The following PTPRN2 variants were observed in gnomAD, a reference collection of about 807,000 sequenced individuals.
PTPRN2 encodes protein tyrosine phosphatase receptor type N2, also known as receptor-type tyrosine-protein phosphatase N2.
A neutral mutation model predicts 118.8 loss-of-function variants in PTPRN2; 74 were observed. That is an observed-to-expected ratio of 0.62 (90% CI 0.52 to 0.76). PTPRN2 has a LOEUF of 0.76. Ranked by LOEUF, PTPRN2 falls within the 30% of genes least tolerant of loss-of-function variation. The pLI is 0.00. For synonymous variants in PTPRN2, 641 were observed against 608.0 expected (o/e 1.05, Z -0.80); for missense variants, 1,481 against 1,394.4 (o/e 1.06, Z -0.99).
intron 5 of PTPRN2, among the ~76,000 whole-genome samples, chr7:158,178,261 A>G (rs1412073014): frequency 6.6e-6 from 1 of 152,190 alleles, no homozygotes; most frequent in Non-Finnish European, 1.5e-5. Context: ...TATGAATTTA[A>G]TAGTGGTGAA....
intron 11 of PTPRN2, among the ~76,000 whole-genome samples, chr7:158,013,389 C>T (rs1423394434): frequency 6.6e-6 from 1 of 152,110 alleles, no homozygotes; most frequent in Non-Finnish European, 1.5e-5. Flanking sequence ...CCTACACATC[C>T]TTCCATTCAT....
rs531523033 is a variant in PTPRN2 at position 158,546,263 on chromosome 7, G to A, written c.112+41295C>T. Among the ~76,000 whole-genome samples, 89 of 152,286 alleles carry A rather than the reference G, an allele frequency of 5.8e-4. No homozygotes were observed. The highest frequency in any genetic ancestry group is 1.9e-3 in the African/African-American group (81 of 41,560). ...CACTCCTGGTGACAGGGACAGAGAC[G>A]GCTCCTTCCACTGGATGTACAGAGC... is the stretch of plus-strand genomic sequence containing the variant. On this transcript the variant is annotated intron_variant, in intron 1 of 22. Transcript: ENST00000389418. This position sits in a 1 kb window ranked among gnomAD's most constrained non-coding sequence, Gnocchi z 5.0.
intron 11 of PTPRN2, among the ~76,000 whole-genome samples, chr7:157,959,717 C>T (rs551898100): frequency 2.0e-5 from 3 of 152,252 alleles, no homozygotes; most frequent in South Asian, 2.1e-4. Flanking sequence ...GACTGAAACT[C>T]GTGTGTACTC....
intron 10 of PTPRN2, among the ~76,000 whole-genome samples, chr7:158,091,071 G>C (rs754881865): frequency 6.6e-6 from 1 of 152,208 alleles, no homozygotes; most frequent in African/African-American, 2.4e-5. Flanking sequence ...GCTTCTATTT[G>C]GTTGGGTTAG....
chr7:158,112,079 G>A (rs1816328439), intron 9 of PTPRN2, among the ~76,000 whole-genome samples: 1 of 151,418 alleles, frequency 6.6e-6, no homozygotes, highest in African/African-American at 2.4e-5. Flanking sequence ...CAGCCTCAGG[G>A]GAACCAGCCC....
chr7:157,810,296 C>T (rs572802806), intron 12 of PTPRN2, among the ~76,000 whole-genome samples: 23 of 152,382 alleles, frequency 1.5e-4, no homozygotes, highest in South Asian at 6.2e-4. Context: ...GCGATCTAGA[C>T]GTGTGGGGTC....
At position 158,093,458 on chromosome 7, in the gene PTPRN2, CTGA is replaced by C; in HGVS notation, c.1644-12084_1644-12082del. ...TGTGCTTTTACTCCCTGAATTGTTCCTGATGATAACTTGCCTCCTCCAGTCTTG... is the reference window on the plus strand; with the variant it reads ...TGTGCTTTTACTCCCTGAATTGTTCCTGATAACTTGCCTCCTCCAGTCTTG... On this transcript the variant is annotated intron_variant, in intron 10 of 22. Coordinates refer to ENST00000389418, the MANE Select transcript of PTPRN2 (RefSeq NM_002847.5). This position sits in a 1 kb window ranked among gnomAD's most constrained non-coding sequence, Gnocchi z 4.4. 6.6e-6 allele frequency among the ~76,000 whole-genome samples: 1 copy of C among 152,342 alleles called. No homozygotes were observed. Among genetic ancestry groups the C allele is most frequent in the Middle Eastern group, 3.4e-3 (1 of 294 alleles).
At chr7:158,071,620 AG>A (rs1811742306) in intron 11 of PTPRN2, among the ~76,000 whole-genome samples, 1 of 68,730 alleles carries the variant, frequency 1.5e-5, no homozygotes, top group Non-Finnish European at 2.9e-5. Flanking sequence ...CTCGTGGTGG[AG>A]GTGCTCGTGG....
At chr7:158,177,572 C>T (rs754665887) in intron 5 of PTPRN2, among the ~76,000 whole-genome samples, 15 of 152,298 alleles carry the variant, frequency 9.8e-5, no homozygotes, top group South Asian at 6.2e-4. Flanking sequence ...CAGGCAATCC[C>T]GACCAGCTTT....
intron 3 of PTPRN2, among the ~76,000 whole-genome samples, chr7:158,302,592 T>C (rs149990108): frequency 7.2e-5 from 11 of 152,354 alleles, no homozygotes; most frequent in African/African-American, 2.4e-4. Context: ...ACCTAGGGCA[T>C]GTAGGACCAC....
chr7:158,145,497 G>A (rs1466147926), intron 6 of PTPRN2, among the ~76,000 whole-genome samples: 1 of 152,236 alleles, frequency 6.6e-6, no homozygotes, highest in Non-Finnish European at 1.5e-5. Context: ...GAACTGGCAG[G>A]CATCCACCCT....
At chr7:158,081,275 C>T (rs544427856) in intron 11 of PTPRN2, 23 bp downstream of exon 11, 42 of 1,599,206 alleles carry the variant, frequency 2.6e-5, no homozygotes, top group South Asian at 1.1e-4. Flanking sequence ...TGTGCGTGTA[C>T]GTGTGTGTGG....
intron 1 of PTPRN2, among the ~76,000 whole-genome samples, chr7:158,560,563 C>T (rs1356424673): frequency 2.0e-5 from 3 of 152,276 alleles, no homozygotes; most frequent in South Asian, 2.1e-4. Context: ...TGACCACTTG[C>T]GCTCCGCGCG....
intron 11 of PTPRN2, among the ~76,000 whole-genome samples, chr7:158,073,413 C>T (rs753296745): frequency 2.0e-5 from 3 of 152,202 alleles, no homozygotes; most frequent in Non-Finnish European, 4.4e-5. Flanking sequence ...CAGGGCCGCA[C>T]TGGCCTCTCC....
intron 12 of PTPRN2, among the ~76,000 whole-genome samples, chr7:157,859,799 G>T (rs1810071211): frequency 9.3e-6 from 1 of 107,258 alleles, no homozygotes; most frequent in Non-Finnish European, 1.9e-5. Flanking sequence ...CCACACTCCT[G>T]CAGGGAGAGT....
In PTPRN2 at chr7:158,022,842, A is replaced by G. The variant is rs1343743151; in HGVS notation, c.1723+58456T>C. ...GGTTACTTGAAAAATAGGAAGAAAA[A>G]GAAGACAATATCCCTGGACCTTAGA... On this transcript the variant is annotated intron_variant, in intron 11 of 22. Coordinates refer to ENST00000389418, the MANE Select transcript of PTPRN2 (RefSeq NM_002847.5). This position sits in a 1 kb window ranked among gnomAD's most constrained non-coding sequence, Gnocchi z 4.6. 2.0e-5 allele frequency among the ~76,000 whole-genome samples: 3 copies of G among 152,220 alleles called. No homozygotes were observed. The highest frequency in any genetic ancestry group is 7.2e-5 in the African/African-American group (3 of 41,462).
chr7:157,563,938 C>T (rs537518846), intron 21 of PTPRN2, among the ~76,000 whole-genome samples: 10 of 152,350 alleles, frequency 6.6e-5, no homozygotes, highest in Admixed American at 4.6e-4. Context: ...CACATGCTCC[C>T]GCACACGCTC....
chr7:158,417,341 T>C (rs944247674), intron 2 of PTPRN2, among the ~76,000 whole-genome samples: 1 of 151,210 alleles, frequency 6.6e-6, no homozygotes, highest in Non-Finnish European at 1.5e-5. Flanking sequence ...GCTGAAGCTT[T>C]CAGTGTCCCG....
intron 4 of PTPRN2, among the ~76,000 whole-genome samples, chr7:158,192,969 C>T (rs1403179041): frequency 1.3e-5 from 2 of 152,198 alleles, no homozygotes; most frequent in East Asian, 1.9e-4. Flanking sequence ...ACCAGGTTCT[C>T]GCCTGATAAA....
Sources: gnomAD v4.1 joint callset for allele counts (sites outside exome capture counted in the v4.1 genomes callset) on GRCh38, gnomAD v4.1.1 for gene constraint, Gnocchi (gnomAD v3.1) non-coding constraint, MANE v1.5 for transcripts, NCBI Gene and HGNC (gene_info 2026-07-23, HGNC 2026-07-21) for gene names.